The following TJP2 variants were observed in gnomAD, a reference collection of about 807,000 sequenced individuals.
The protein encoded by TJP2 is tight junction protein 2.
A neutral mutation model predicts 133.1 loss-of-function variants in TJP2; 91 were observed. The ratio of observed to expected loss-of-function variants is 0.68; its 90% CI spans 0.58 to 0.81. TJP2 has a LOEUF of 0.81. Ranked by LOEUF, TJP2 falls within the 40% of genes least tolerant of loss-of-function variation. TJP2 has a pLI of 0.00. For synonymous variants in TJP2, 592 were observed against 583.4 expected, an observed-to-expected ratio of 1.01 and a Z score of -0.21; for missense variants, 1,541 against 1,565.6, an observed-to-expected ratio of 0.98 and a Z score of 0.26.
intron 1 of TJP2, among the ~76,000 whole-genome samples, chr9:69,186,582 C>T: frequency 6.6e-6 from 1 of 152,176 alleles, no homozygotes; most frequent in Non-Finnish European, 1.5e-5. Flanking sequence ...GGCTGATACA[C>T]AATGCACAAA....
chr9:69,234,394 C>CTTTT (rs375705689), intron 11 of TJP2, 45 bp from the exon 12 acceptor site: 3 of 1,293,350 alleles, frequency 2.3e-6, no homozygotes, highest in Admixed American at 2.2e-5. Flanking sequence ...TTCTTTCTTT[C>CTTTT]TTTCTTTTTT....
At chr9:69,130,455 G>T (rs1486522464) in intron 1 of TJP2, among the ~76,000 whole-genome samples, 1 of 152,150 alleles carries the variant, frequency 6.6e-6, no homozygotes, top group East Asian at 1.9e-4. Context: ...AATACAGATT[G>T]CAGGCCCCCC....
upstream of TJP2, among the ~76,000 whole-genome samples, chr9:69,171,476 G>C (rs1824678142): frequency 1.3e-5 from 2 of 152,072 alleles, no homozygotes; most frequent in South Asian, 4.1e-4. Flanking sequence ...GAGTAAGCCT[G>C]CTGTCTCTTC....
At chr9:69,199,347 AGC>A (rs1291382988) in intron 1 of TJP2, among the ~76,000 whole-genome samples, 1 of 152,162 alleles carries the variant, frequency 6.6e-6, no homozygotes, top group Non-Finnish European at 1.5e-5. Context: ...TGGGCAACAT[AGC>A]GAGACCTTGT....
chr9:69,145,759 T>A, intron 1 of TJP2: 1 of 1,232,016 alleles, frequency 8.1e-7, no homozygotes. Flanking sequence ...ATTACCCCAC[T>A]TAACAAAAGA....
chr9:69,173,996 G>A (rs1018526334), upstream of TJP2: 4 of 984,982 alleles, frequency 4.1e-6, no homozygotes, highest in Non-Finnish European at 4.8e-6. Flanking sequence ...GGGCCGCTCG[G>A]GCCTTGGGCT....
At chr9:69,198,190 G>A (rs923754390) in intron 1 of TJP2, among the ~76,000 whole-genome samples, 5 of 142,424 alleles carry the variant, frequency 3.5e-5, no homozygotes, top group African/African-American at 1.3e-4. Context: ...CACCCAGGCT[G>A]GAGTGCAGTG....
At chr9:69,234,395 TTTC>T (rs925914408) in intron 11 of TJP2, 41 bp from the exon 12 acceptor site, 109 of 1,315,516 alleles carry the variant, frequency 8.3e-5, no homozygotes, top group African/African-American at 4.6e-4. Context: ...TCTTTCTTTC[TTTC>T]TTTTTTTTTT....
chr9:69,185,675 A>G (rs1282253977), intron 1 of TJP2, among the ~76,000 whole-genome samples: 1 of 152,120 alleles, frequency 6.6e-6, no homozygotes. Flanking sequence ...AATAAAAGGT[A>G]ATATATAAAT....
Position 69,247,922 on chromosome 9 carries a change from C to T in TJP2, c.2668-90C>T, listed in dbSNP as rs117754658. ...CTGGCGAGCACATCAAGGTTTCAGTCGCTTGGCTGTGTCCTTGGGAATTTT... is the reference window on the plus strand; with the variant it reads ...CTGGCGAGCACATCAAGGTTTCAGTTGCTTGGCTGTGTCCTTGGGAATTTT... On this transcript the variant is annotated intron_variant, in intron 18 of 22. Transcript: ENST00000377245. 0.017 allele frequency: 22,539 copies of T among 1,320,188 alleles called. 235 individuals carry two copies. Among genetic ancestry groups the T allele is most frequent in the Middle Eastern group, 0.024 (103 of 4,282 alleles). The allele number at this position is 1,320,188 out of a possible 1,614,324, so 81.8% of individuals were successfully genotyped here. A position where few individuals can be genotyped will look rare whatever the true frequency, so the allele number is the denominator to read the frequency against.
intron 5 of TJP2, among the ~76,000 whole-genome samples, chr9:69,223,592 C>T (rs1049420613): frequency 5.3e-5 from 8 of 152,212 alleles, no homozygotes; most frequent in Non-Finnish European, 7.3e-5. Flanking sequence ...CAGGCGTGAG[C>T]CCCCATGCTT....
chr9:69,194,737 A>G (rs1826429940), intron 1 of TJP2, among the ~76,000 whole-genome samples: 1 of 152,068 alleles, frequency 6.6e-6, no homozygotes, highest in African/African-American at 2.4e-5. Flanking sequence ...TCAAACGTTA[A>G]TGTGCATATT....
chr9:69,121,818 C>A (rs969551243), intron 1 of TJP2: 4 of 152,472 alleles, frequency 2.6e-5, no homozygotes, highest in Admixed American at 1.3e-4. Flanking sequence ...TGTGCCCAGG[C>A]GTCGCCGGGA....
At chr9:69,202,818 G>GA (rs1827093877) in intron 1 of TJP2, among the ~76,000 whole-genome samples, 1 of 151,944 alleles carries the variant, frequency 6.6e-6, no homozygotes, top group South Asian at 2.1e-4. Flanking sequence ...AACTTTTATT[G>GA]AAAAAAACCC....
At position 69,230,245 on chromosome 9, in the gene TJP2, C is replaced by G. The variant is rs751770255; in HGVS notation, c.1671+13C>G. On this transcript the variant is annotated intron_variant, in intron 11 of 22. Transcript: ENST00000377245. Reference sequence around the variant, plus strand: ...CCAGATTCTGAAGGTAAGAACAGCCCAGCTCTGTTTCTAGAAGTTACTTGT... The same window carrying G: ...CCAGATTCTGAAGGTAAGAACAGCCGAGCTCTGTTTCTAGAAGTTACTTGT... 5 of 1,613,816 alleles carry G rather than the reference C, an allele frequency of 3.1e-6. No individual in the cohort carries two copies. In the East Asian group the frequency reaches 6.7e-5, roughly 22 times the overall value.
intron 21 of TJP2, among the ~76,000 whole-genome samples, 180 bp downstream of exon 21, chr9:69,251,544 A>G (rs1400884363): frequency 6.6e-6 from 1 of 152,214 alleles, no homozygotes; most frequent in African/African-American, 2.4e-5. Flanking sequence ...GTTCTTCCAA[A>G]GAAGAAAACT....
intron 1 of TJP2, among the ~76,000 whole-genome samples, chr9:69,182,090 G>T (rs1825556346): frequency 6.6e-6 from 1 of 152,208 alleles, no homozygotes. Flanking sequence ...CTTCACAAAT[G>T]TGTTGAAGAT....
At chr9:69,168,808 AAAAAAAAAG>A (rs1232184050) in intron 2 of TJP2, among the ~76,000 whole-genome samples, 41 of 151,286 alleles carry the variant, frequency 2.7e-4, no homozygotes, top group Admixed American at 7.9e-4. Context: ...CTCAAAAAAA[AAAAAAAAAG>A]AAAAAAGAAA....
At position 69,174,348 on chromosome 9, in the gene TJP2, C is replaced by A; in HGVS notation, c.-25C>A. 1 of 1,551,274 alleles carries A rather than the reference C, an allele frequency of 6.4e-7. No individual in the cohort carries two copies. Among genetic ancestry groups the A allele is most frequent in the Non-Finnish European group, 8.7e-7 (1 of 1,146,890 alleles). ...AGCAGAAGCGGGGTCCGGAGCTGCG[C>A]GCCTACGCGGGACCTGTGTCCGAAA... is the stretch of plus-strand genomic sequence containing the variant. On this transcript the variant is annotated 5_prime_UTR_variant, in exon 1 of 23. Coordinates refer to ENST00000377245, the MANE Select transcript of TJP2 (RefSeq NM_004817.4).
Sources: allele counts gnomAD v4.1 joint callset (sites outside exome capture counted in the v4.1 genomes callset), GRCh38; gene constraint gnomAD v4.1.1; transcripts MANE v1.5; gene names NCBI Gene and HGNC (gene_info 2026-07-23, HGNC 2026-07-21).